The following RBFOX1 variants were observed in gnomAD, a reference collection of about 807,000 sequenced individuals.
RBFOX1 encodes RNA binding protein fox-1 homolog 1.
In RBFOX1, 8 loss-of-function variants were observed where a neutral mutation model predicts 57.7. The ratio of observed to expected loss-of-function variants is 0.14; its 90% CI spans 0.08 to 0.25. The LOEUF (loss-of-function observed/expected upper bound fraction) is 0.25, where lower values mean the gene tolerates loss of function less well. RBFOX1 is among the 10% of genes least tolerant of loss of function. The probability of loss-of-function intolerance (pLI) is 1.00; values close to 1 mark genes in which losing one functional copy is unlikely to be tolerated. For missense variants in RBFOX1, 611 were observed against 548.5 expected, an observed-to-expected ratio of 1.11 and a Z score of -1.14; for synonymous variants, 326 against 222.4, an observed-to-expected ratio of 1.47 and a Z score of -4.15.
At chr16:6,942,779 G>C (rs1335309210) in intron 3 of RBFOX1, among the ~76,000 whole-genome samples, 2 of 152,110 alleles carry the variant, frequency 1.3e-5, no homozygotes, top group Admixed American at 1.3e-4. Flanking sequence ...AAGGGCAAAT[G>C]GTTTTTATAT....
intron 2 of RBFOX1, among the ~76,000 whole-genome samples, chr16:5,524,811 G>A (rs1454678700): frequency 1.3e-5 from 2 of 152,072 alleles, no homozygotes; most frequent in East Asian, 1.9e-4. Context: ...GAAGTGCTGG[G>A]ATTACAGGCG....
At chr16:5,868,757 C>T (rs552445906) in intron 4 of RBFOX1, among the ~76,000 whole-genome samples, 1 of 152,200 alleles carries the variant, frequency 6.6e-6, no homozygotes, top group Non-Finnish European at 1.5e-5. Flanking sequence ...ACCAGTCACT[C>T]GAGTGAGTTA....
intron 4 of RBFOX1, among the ~76,000 whole-genome samples, chr16:7,197,368 C>T (rs2086971855): frequency 1.4e-5 from 2 of 143,886 alleles, no homozygotes; most frequent in South Asian, 2.2e-4. Context: ...CTTTCTGTTT[C>T]TGGAGTGATG....
chr16:5,341,909 C>T (rs1353355648), intron 1 of RBFOX1, among the ~76,000 whole-genome samples: 1 of 152,130 alleles, frequency 6.6e-6, no homozygotes, highest in Non-Finnish European at 1.5e-5. Context: ...GACGGGAAGC[C>T]TCCCTGCCAG....
chr16:6,125,425 G>A (rs1042582815), intron 1 of RBFOX1, among the ~76,000 whole-genome samples: 8 of 152,250 alleles, frequency 5.3e-5, no homozygotes, highest in African/African-American at 1.9e-4. Context: ...CATCTTGTTT[G>A]TCTGCTTTGG....
intron 3 of RBFOX1, among the ~76,000 whole-genome samples, chr16:6,885,715 A>G (rs2063859278): frequency 1.3e-5 from 2 of 152,096 alleles, no homozygotes; most frequent in Admixed American, 6.5e-5. Flanking sequence ...TATCTTTAGT[A>G]GAGACTGGGT....
chr16:7,598,430 CAAAAGGAGATATATGGAATTTTATACTT>C (rs2094824707), intron 9 of RBFOX1, among the ~76,000 whole-genome samples: 1 of 151,780 alleles, frequency 6.6e-6, no homozygotes, highest in Non-Finnish European at 1.5e-5. Context: ...TTTATTACAT[CAAAAGGAGATATATGGAATTTTATACTT>C]CTAAAATTTT....
intron 5 of RBFOX1, among the ~76,000 whole-genome samples, chr16:7,570,541 C>T (rs932737979): frequency 6.6e-6 from 1 of 152,180 alleles, no homozygotes; most frequent in Non-Finnish European, 1.5e-5. Context: ...AGTCATTTAT[C>T]TACGCTTGCA....
At chr16:7,548,555 C>G (rs1567773798) in intron 5 of RBFOX1, among the ~76,000 whole-genome samples, 1 of 152,236 alleles carries the variant, frequency 6.6e-6, no homozygotes, top group Non-Finnish European at 1.5e-5. Context: ...TCATCCTAGT[C>G]TAGAGCTGTG....
chr16:6,231,895 G>A (rs887986517), intron 1 of RBFOX1, among the ~76,000 whole-genome samples: 4 of 145,328 alleles, frequency 2.8e-5, no homozygotes, highest in Non-Finnish European at 4.5e-5. Context: ...AAAACAATGA[G>A]GGAGGAAAAT....
At chr16:6,823,759 C>G (rs182555586) in intron 3 of RBFOX1, among the ~76,000 whole-genome samples, 25 of 152,230 alleles carry the variant, frequency 1.6e-4, no homozygotes, top group African/African-American at 5.5e-4. Flanking sequence ...TAAATATCAG[C>G]CACTGTTCTA....
intron 4 of RBFOX1, among the ~76,000 whole-genome samples, chr16:7,278,008 T>C (rs1221934965): frequency 1.3e-5 from 2 of 152,024 alleles, no homozygotes; most frequent in Non-Finnish European, 2.9e-5. Context: ...AAGAATTCTG[T>C]CAGTTCCTTA....
chr16:7,539,094 G>C (rs1403359185), intron 5 of RBFOX1, among the ~76,000 whole-genome samples: 1 of 152,150 alleles, frequency 6.6e-6, no homozygotes, highest in African/African-American at 2.4e-5. Flanking sequence ...TTAAAATAAG[G>C]TCATCTCAGA....
chr16:7,149,119 CA>C (rs1376712553), intron 4 of RBFOX1, among the ~76,000 whole-genome samples: 5 of 152,152 alleles, frequency 3.3e-5, no homozygotes, highest in African/African-American at 1.2e-4. Flanking sequence ...CCCAGGTTTC[CA>C]GACATGGAAG....
chr16:7,695,300 C>T (rs1316287738), intron 14 of RBFOX1, among the ~76,000 whole-genome samples: 2 of 152,274 alleles, frequency 1.3e-5, no homozygotes, highest in African/African-American at 2.4e-5. Context: ...TCACCTTGCT[C>T]ATAGAGCGAA....
chr16:7,406,676 C>T (rs2098345566), intron 4 of RBFOX1, among the ~76,000 whole-genome samples: 1 of 152,248 alleles, frequency 6.6e-6, no homozygotes, highest in Non-Finnish European at 1.5e-5. Flanking sequence ...CTGACACCTT[C>T]TGAGTCCCTT....
At chr16:6,997,858 A>G (rs1368660310) in intron 3 of RBFOX1, among the ~76,000 whole-genome samples, 2 of 152,172 alleles carry the variant, frequency 1.3e-5, no homozygotes, top group African/African-American at 2.4e-5. Flanking sequence ...GGAAACAGTT[A>G]TCAGAACACC....
intron 2 of RBFOX1, among the ~76,000 whole-genome samples, chr16:6,318,297 A>G (rs1421319101): frequency 2.6e-5 from 4 of 152,216 alleles, no homozygotes; most frequent in Non-Finnish European, 1.5e-5. Flanking sequence ...TGCCACATCT[A>G]TCTTTTCATG....
intron 3 of RBFOX1, among the ~76,000 whole-genome samples, chr16:5,837,587 GT>G (rs1438083363): frequency 1.4e-5 from 2 of 147,628 alleles, no homozygotes; most frequent in East Asian, 4.0e-4. Context: ...CACAGGGAAA[GT>G]CTTGATGCCA....
Sources: gnomAD v4.1 joint callset for allele counts (sites outside exome capture counted in the v4.1 genomes callset) on GRCh38, gnomAD v4.1.1 for gene constraint, MANE v1.5 for transcripts, NCBI Gene and HGNC (gene_info 2026-07-23, HGNC 2026-07-21) for gene names.